The following PCDHA9 variants were observed in gnomAD, a reference collection of about 807,000 sequenced individuals.
PCDHA9 encodes protocadherin alpha 9.
PCDHA9 carries 62 observed loss-of-function variants against 62.0 expected under a neutral mutation model. The ratio of observed to expected loss-of-function variants is 1.00; its 90% CI spans 0.81 to 1.23. The LOEUF is 1.23. PCDHA9 is among the 50% of genes most tolerant of loss of function. PCDHA9 has a pLI of 0.00. For missense variants in PCDHA9, 1,205 were observed against 1,249.8 expected, an observed-to-expected ratio of 0.96 and a Z score of 0.54; for synonymous variants, 557 against 567.6, an observed-to-expected ratio of 0.98 and a Z score of 0.27.
chr5:140,883,297 A>G (rs782572580), intron 1 of PCDHA9: 2 of 1,614,132 alleles, frequency 1.2e-6, no homozygotes, highest in Non-Finnish European at 1.7e-6. Flanking sequence ...TACTAGATGT[A>G]AATGATAACG....
In PCDHA9 at chr5:140,862,942, G is replaced by A. The variant is rs75462656; in HGVS notation, c.2394+12053G>A. 1.6e-3 allele frequency: 859 copies of A among 542,058 alleles called. 16 individuals carry two copies. In the East Asian group the frequency reaches 0.034, roughly 22 times the overall value. The allele number at this position is 542,058 out of a possible 1,614,324, so 33.6% of individuals were successfully genotyped here. ...GGTGGGCTGGCGGCGCTGTGAGTGA[G>A]CTGGTGCGGTATTCAGTGGATGCAG... On this transcript the variant is annotated intron_variant, in intron 1 of 3. Transcript: ENST00000532602.
rs782026939 is a variant in PCDHA9, at chr5:140,883,016, A to T, written c.2394+32127A>T. 6.8e-6 allele frequency: 11 copies of T among 1,614,158 alleles called. No individual in the cohort carries two copies. The Admixed American group carries it at 1.7e-4, about 24-fold the overall frequency. On this transcript the variant is annotated intron_variant, in intron 1 of 3. Coordinates refer to ENST00000532602, the MANE Select transcript of PCDHA9 (RefSeq NM_031857.2). ...ATTTTACCAATCCGTTTATAAAGTG[A>T]CGGTGTTAGAGAACGCCTTCAATGG...
rs2150427952 is a variant in PCDHA9 at position 140,848,985 on chromosome 5, G to A, written c.490G>A (p.Glu164Lys). The change falls in exon 1 of 4, where the codon GAG (glutamate) becomes AAG (lysine). Residue 164 changes from glutamate to lysine, a missense_variant. This residue lies in a region of PCDHA9 where 110 missense variants were observed against 227.2 expected (regional missense o/e 0.48). Transcript: ENST00000532602. ...GGGCGCGTCCGATGCAGATATCGGG[G>A]AGAACGCCCTGCTCACTTACAGACT... is the stretch of plus-strand genomic sequence containing the variant. Reference protein sequence around the residue: ...LEGASDADIGENALLTYRLSP... With the variant: ...LEGASDADIGKNALLTYRLSP... 9 of 1,598,558 alleles carry A rather than the reference G, an allele frequency of 5.6e-6. 1 individual carries two copies. The highest frequency in any genetic ancestry group is 6.0e-6 in the Non-Finnish European group (7 of 1,170,226).
intron 1 of PCDHA9, among the ~76,000 whole-genome samples, chr5:140,900,590 G>A (rs984247729): frequency 3.3e-5 from 5 of 152,174 alleles, no homozygotes; most frequent in South Asian, 2.1e-4. Flanking sequence ...TTCTTTACCC[G>A]TTCATCTGAT....
chr5:140,963,838 T>C (rs1414191733), intron 1 of PCDHA9, among the ~76,000 whole-genome samples: 3 of 152,254 alleles, frequency 2.0e-5, no homozygotes, highest in Admixed American at 1.3e-4. Context: ...CATTTTCTCA[T>C]GTAATCATAA....
At chr5:140,859,579 G>A in intron 1 of PCDHA9, 1 of 171,440 alleles carries the variant, frequency 5.8e-6, no homozygotes, top group Non-Finnish European at 1.2e-5. Flanking sequence ...TTGTCATCTT[G>A]CCTATGGCTC....
intron 1 of PCDHA9, among the ~76,000 whole-genome samples, chr5:140,917,252 C>T (rs536856521): frequency 3.2e-4 from 47 of 149,018 alleles, no homozygotes; most frequent in Non-Finnish European, 4.9e-4. Flanking sequence ...TACGATTGCT[C>T]ACCTGATGTT....
intron 1 of PCDHA9, among the ~76,000 whole-genome samples, chr5:140,935,834 C>G (rs1037488504): frequency 1.3e-5 from 2 of 151,624 alleles, no homozygotes; most frequent in African/African-American, 2.4e-5. Flanking sequence ...ACACATATTC[C>G]ATACTGCTTA....
At chr5:140,920,405 A>T (rs1253203896) in intron 1 of PCDHA9, among the ~76,000 whole-genome samples, 1 of 152,118 alleles carries the variant, frequency 6.6e-6, no homozygotes, top group Non-Finnish European at 1.5e-5. Context: ...TCTTTTTTTA[A>T]TCAGATACAG....
At chr5:140,928,007 A>G in intron 1 of PCDHA9, 3 of 1,614,116 alleles carry the variant, frequency 1.9e-6, no homozygotes, top group Non-Finnish European at 2.5e-6. Context: ...CTCGATTCTA[A>G]TGGTAGGGTC....
In PCDHA9 at chr5:140,850,885, G is replaced by C; in HGVS notation, c.2390G>C (p.Gly797Ala). 1.3e-6 allele frequency: 2 copies of C among 1,582,746 alleles called. No individual in the cohort carries two copies. Among genetic ancestry groups the C allele is most frequent in the South Asian group, 1.1e-5 (1 of 88,302 alleles). Residue 797 changes from glycine to alanine, a missense_variant, in exon 1 of 4, where the codon GGG (glycine) becomes GCG (alanine). Transcript: ENST00000532602. Reference sequence around the variant, plus strand: ...CCCTCTGCTTCCTCAGATTCAACTGGGAAGGTGGGTTTTTCTAGCATTTTA... The same window carrying C: ...CCCTCTGCTTCCTCAGATTCAACTGCGAAGGTGGGTTTTTCTAGCATTTTA... ...GEPSASSDST[G>A]KPRQPNPDWR...
At chr5:140,878,461 T>G (rs1274651575) in intron 1 of PCDHA9, among the ~76,000 whole-genome samples, 1 of 152,230 alleles carries the variant, frequency 6.6e-6, no homozygotes, top group Non-Finnish European at 1.5e-5. Context: ...TGAAATATAA[T>G]AAAATCATTT....
chr5:140,856,717 A>G (rs947466965), intron 1 of PCDHA9: 1 of 1,596,480 alleles, frequency 6.3e-7, no homozygotes, highest in Non-Finnish European at 8.6e-7. Context: ...AATTTACCGG[A>G]TCTGTTTCTC....
At chr5:140,969,309 A>G in intron 1 of PCDHA9, 2 of 1,614,212 alleles carry the variant, frequency 1.2e-6, no homozygotes, top group Non-Finnish European at 1.7e-6. Context: ...ATTCTCAAAA[A>G]TGAGGCTGTT....
chr5:140,858,039 T>C lies in PCDHA9; in HGVS notation c.2394+7150T>C, dbSNP rs782597618. On this transcript the variant is annotated intron_variant, in intron 1 of 3. Transcript: ENST00000532602. ...CCGTCGCTGACGGCCACGGCCACTG[T>C]GCTTGTGTCGCTTGTGGAGGGCAGC... 1.1e-5 allele frequency: 18 copies of C among 1,596,560 alleles called. 2 individuals are homozygous for C. The highest frequency in any genetic ancestry group is 5.5e-5 in the South Asian group (5 of 90,506).
In PCDHA9 at chr5:140,858,143, A is replaced by T. The variant is rs781919234; in HGVS notation, c.2394+7254A>T. 1.9e-6 allele frequency: 3 copies of T among 1,597,218 alleles called. No homozygotes were observed. The South Asian group carries it at 3.3e-5, about 18-fold the overall frequency. On this transcript the variant is annotated intron_variant, in intron 1 of 3. Transcript: ENST00000532602. The stretch of plus-strand genomic sequence containing the variant: ...CCTGGTGGATGTCAACGTGTACCTG[A>T]TCATCGCCATCTGCGCGGTGTCCAG...
At chr5:140,988,625 T>A (rs1406223989) in intron 3 of PCDHA9, among the ~76,000 whole-genome samples, 1 of 152,176 alleles carries the variant, frequency 6.6e-6, no homozygotes, top group Non-Finnish European at 1.5e-5. Context: ...AATGGAGATG[T>A]CCTGGTTTTC....
At chr5:140,974,724 C>T (rs893225073) in intron 1 of PCDHA9, among the ~76,000 whole-genome samples, 11 of 152,168 alleles carry the variant, frequency 7.2e-5, no homozygotes, top group Admixed American at 2.6e-4. Flanking sequence ...TGCTCTCGAA[C>T]TCCTGTCTCC....
At chr5:140,881,048 C>T (rs1409752539) in intron 1 of PCDHA9, among the ~76,000 whole-genome samples, 1 of 152,142 alleles carries the variant, frequency 6.6e-6, no homozygotes, top group Non-Finnish European at 1.5e-5. Context: ...TAGAGTTGTG[C>T]ACAGAACAGG....
Sources: allele counts gnomAD v4.1 joint callset (sites outside exome capture counted in the v4.1 genomes callset), GRCh38; gene constraint gnomAD v4.1.1; regional missense constraint gnomAD v4.1.1; transcripts MANE v1.5; gene names NCBI Gene and HGNC (gene_info 2026-07-23, HGNC 2026-07-21).